Variants in NIPSNAP2 observed in about 807,000 individuals in gnomAD.
The protein encoded by NIPSNAP2 is nipsnap homolog 2, also known as protein NipSnap homolog 2.
In NIPSNAP2, 42 loss-of-function variants were observed where a neutral mutation model predicts 48.4. That is an observed-to-expected ratio of 0.87 (90% CI 0.68 to 1.12). NIPSNAP2 has a LOEUF of 1.12. Ranked by LOEUF, NIPSNAP2 falls within the 50% of genes most tolerant of loss-of-function variation. The pLI, the probability that NIPSNAP2 is intolerant of heterozygous loss-of-function variation, is 0.00. For synonymous variants in NIPSNAP2, 158 were observed against 126.6 expected (o/e 1.25, Z -1.67); for missense variants, 314 against 347.3 (o/e 0.90, Z 0.76).
chr7:55,967,927 G>A (rs554459449), intron 1 of NIPSNAP2, among the ~76,000 whole-genome samples: 4 of 151,798 alleles, frequency 2.6e-5, no homozygotes, highest in Admixed American at 2.0e-4. Flanking sequence ...TGGCATTACA[G>A]GGATGAATCA....
At chr7:55,978,788 A>G (rs1787155204) in intron 3 of NIPSNAP2, 1 of 169,808 alleles carries the variant, frequency 5.9e-6, no homozygotes, top group South Asian at 1.6e-4. Flanking sequence ...TGAGTCCTTC[A>G]TTGATTCCCC....
At chr7:55,991,763 A>AT (rs1312676530) in intron 7 of NIPSNAP2, 2,713 of 156,460 alleles carry the variant, frequency 0.017, 36 homozygotes, top group African/African-American at 0.036. Flanking sequence ...AAAAAAAAAA[A>AT]AAATATATAT....
At chr7:55,989,842 C>G (rs566306180) in intron 7 of NIPSNAP2, among the ~76,000 whole-genome samples, 160 of 151,882 alleles carry the variant, frequency 1.1e-3, no homozygotes, top group Non-Finnish European at 1.9e-3. Context: ...CATGGTGGCT[C>G]ACGCCTGTAA....
At chr7:55,982,094 A>G (rs1787227823) in intron 4 of NIPSNAP2, 116 bp from the exon 5 acceptor site, 2 of 590,072 alleles carry the variant, frequency 3.4e-6, no homozygotes, top group Admixed American at 5.6e-5. Context: ...GGCATGAGCC[A>G]CCACACACCC....
At chr7:55,985,281 CA>C (rs1418957758) in intron 7 of NIPSNAP2, among the ~76,000 whole-genome samples, 1 of 152,100 alleles carries the variant, frequency 6.6e-6, no homozygotes, top group Non-Finnish European at 1.5e-5. Context: ...TCTTGGATAT[CA>C]TCTTTTCTGA....
At chr7:55,989,430 G>T (rs1251375422) in intron 7 of NIPSNAP2, among the ~76,000 whole-genome samples, 1 of 152,134 alleles carries the variant, frequency 6.6e-6, no homozygotes, top group Non-Finnish European at 1.5e-5. Context: ...GTCAAGACCA[G>T]CCTTGGCAAC....
rs111986590 is a variant in NIPSNAP2, at chr7:55,990,088, A to AAT, written c.618-4796_618-4795dup. Among the ~76,000 whole-genome samples, 87 of 152,164 alleles carry AAT rather than the reference A, an allele frequency of 5.7e-4. 1 individual carries two copies. The highest frequency in any genetic ancestry group is 1.0e-4 in the Non-Finnish European group (7 of 67,984). On this transcript the variant is annotated intron_variant, in intron 7 of 9. Transcript: ENST00000322090. ...GCGACAGAGTGAGACTCCATCTCAGAATATATATATAATTTTGAAACATTG... is the reference window on the plus strand; with the variant it reads ...GCGACAGAGTGAGACTCCATCTCAGAATATATATATATAATTTTGAAACATTG...
chr7:55,994,672 C>T (rs1787521030), intron 7 of NIPSNAP2, among the ~76,000 whole-genome samples: 1 of 152,172 alleles, frequency 6.6e-6, no homozygotes, highest in Admixed American at 6.5e-5. Flanking sequence ...GAGATTGTGT[C>T]ACTGCACTCC....
intron 8 of NIPSNAP2, among the ~76,000 whole-genome samples, chr7:55,995,366 C>T (rs1330567574): frequency 1.3e-5 from 2 of 152,180 alleles, no homozygotes; most frequent in Non-Finnish European, 2.9e-5. Flanking sequence ...CAGCTTCCTG[C>T]ACATACTCAC....
At chr7:55,970,244 A>G (rs543193679) in intron 1 of NIPSNAP2, among the ~76,000 whole-genome samples, 52 of 151,222 alleles carry the variant, frequency 3.4e-4, no homozygotes, top group Non-Finnish European at 5.4e-4. Flanking sequence ...CCCAGGAAGC[A>G]TGTTCCTGGC....
rs759505196 is a variant in NIPSNAP2, at chr7:55,969,982, C to CAA, written c.92+5300_92+5301dup. Reference sequence around the variant, plus strand: ...TGGGCGACGGAGCGAGACTCTGTCTCAAAAAAAAAAAAAAAAAAAAGATCA... The same window carrying CAA: ...TGGGCGACGGAGCGAGACTCTGTCTCAAAAAAAAAAAAAAAAAAAAAAGATCA... On this transcript the variant is annotated intron_variant, in intron 1 of 9. Transcript: ENST00000322090. Among the ~76,000 whole-genome samples, 144 of 56,088 alleles carry CAA rather than the reference C, an allele frequency of 2.6e-3. 1 individual carries two copies. Among genetic ancestry groups the CAA allele is most frequent in the Middle Eastern group, 0.012 (1 of 86 alleles). The allele number at this position is 56,088 out of a possible 152,430, so 36.8% of individuals were successfully genotyped here. A position where few individuals can be genotyped will look rare whatever the true frequency, so the allele number is the denominator to read the frequency against.
intron 3 of NIPSNAP2, chr7:55,980,258 G>A (rs58981281): frequency 0.19 from 32,841 of 175,772 alleles, 3,679 homozygotes; most frequent in East Asian, 0.34. Context: ...AAGTACACAT[G>A]ATGTGGTCAC....
intron 1 of NIPSNAP2, among the ~76,000 whole-genome samples, chr7:55,977,697 A>G (rs1213369439): frequency 6.6e-6 from 1 of 152,202 alleles, no homozygotes; most frequent in Non-Finnish European, 1.5e-5. Flanking sequence ...GGCATTAAGT[A>G]GATTCACATT....
intron 1 of NIPSNAP2, among the ~76,000 whole-genome samples, chr7:55,975,043 A>G (rs1386310195): frequency 1.3e-5 from 2 of 151,970 alleles, no homozygotes; most frequent in East Asian, 1.9e-4. Context: ...GAAAAGATCT[A>G]TGTGTAGGTC....
intron 3 of NIPSNAP2, chr7:55,979,834 C>T (rs1787176298): frequency 2.2e-6 from 1 of 456,688 alleles, no homozygotes; most frequent in Non-Finnish European, 4.4e-6. Context: ...GGATTCTGCC[C>T]AACCCATCCA....
intron 7 of NIPSNAP2, among the ~76,000 whole-genome samples, chr7:55,987,584 C>T (rs575056958): frequency 3.4e-4 from 52 of 152,108 alleles, no homozygotes; most frequent in African/African-American, 1.2e-3. Flanking sequence ...GCTGAGATCG[C>T]GCCACTGCCC....
chr7:55,973,056 A>G (rs1056997110), intron 1 of NIPSNAP2, among the ~76,000 whole-genome samples: 2 of 152,122 alleles, frequency 1.3e-5, no homozygotes, highest in African/African-American at 4.8e-5. Flanking sequence ...CAGTGAGCCA[A>G]GATCACGCCA....
chr7:55,994,931 G>T lies in NIPSNAP2; in HGVS notation c.655G>T (p.Ala219Ser), dbSNP rs1787528041. 1.2e-6 allele frequency: 2 copies of T among 1,614,084 alleles called. No homozygotes were observed. Among genetic ancestry groups the T allele is most frequent in the African/African-American group, 2.7e-5 (2 of 74,940 alleles). Residue 219 changes from alanine to serine, a missense_variant, in exon 8 of 10, where the codon GCC becomes TCC. By Grantham distance (99) the Ala-to-Ser change is moderately conservative. Coordinates refer to ENST00000322090, the MANE Select transcript of NIPSNAP2 (RefSeq NM_001483.3). ...AIRFRQDGNE[A>S]VGGFFSQIGQ... is the part of the protein sequence containing the mutation. ...CCGCTTCAGACAGGATGGTAACGAA[G>T]CCGTCGGAGGATTCTTCTCTCAGAT...
At chr7:55,985,208 TA>T (rs1787300722) in intron 7 of NIPSNAP2, among the ~76,000 whole-genome samples, 1 of 152,202 alleles carries the variant, frequency 6.6e-6, no homozygotes, top group African/African-American at 2.4e-5. Context: ...TATATATTTC[TA>T]AAAGATAAGC....
Sources: allele counts gnomAD v4.1 joint callset (sites outside exome capture counted in the v4.1 genomes callset), GRCh38; gene constraint gnomAD v4.1.1; transcripts MANE v1.5; gene names NCBI Gene and HGNC (gene_info 2026-07-23, HGNC 2026-07-21).